Variants in RAPGEF2 observed in about 807,000 individuals in gnomAD.
RAPGEF2 encodes Rap guanine nucleotide exchange factor 2, also known as PDZ domain containing guanine nucleotide exchange factor (GEF) 1.
Under a neutral mutation model 186.7 loss-of-function variants are expected in RAPGEF2, and 54 were observed. The observed-to-expected ratio is 0.29, with a 90% CI of 0.23 to 0.36. The LOEUF is 0.36. Ranked by LOEUF, RAPGEF2 falls within the 10% of genes least tolerant of loss-of-function variation. RAPGEF2 has a pLI of 1.00. For synonymous variants in RAPGEF2, 712 were observed against 705.9 expected, an observed-to-expected ratio of 1.01 and a Z score of -0.14; for missense variants, 1,532 against 2,045.0, an observed-to-expected ratio of 0.75 and a Z score of 4.84.
chr4:159,185,382 T>C (rs1747455102), intron 1 of RAPGEF2, among the ~76,000 whole-genome samples: 1 of 152,182 alleles, frequency 6.6e-6, no homozygotes, highest in South Asian at 2.1e-4. Flanking sequence ...TGTAGCAGCA[T>C]TATTCATAAT....
intron 7 of RAPGEF2, among the ~76,000 whole-genome samples, chr4:159,290,817 A>G (rs1488171263): frequency 1.3e-5 from 2 of 152,118 alleles, no homozygotes; most frequent in Non-Finnish European, 2.9e-5. Flanking sequence ...TTATGAGTAT[A>G]TATTCCTGCT....
chr4:159,209,594 A>C (rs997577060), intron 3 of RAPGEF2, among the ~76,000 whole-genome samples: 2 of 152,228 alleles, frequency 1.3e-5, no homozygotes, highest in African/African-American at 4.8e-5. Flanking sequence ...CATATCCTAA[A>C]CATCCAGAAA....
intron 7 of RAPGEF2, among the ~76,000 whole-genome samples, chr4:159,279,391 G>T (rs938661243): frequency 3.3e-5 from 5 of 152,194 alleles, no homozygotes; most frequent in Non-Finnish European, 7.3e-5. Flanking sequence ...TTTGTTTTCA[G>T]TGTGTCCTGT....
At chr4:159,118,877 G>A (rs1356845623) in intron 1 of RAPGEF2, among the ~76,000 whole-genome samples, 3 of 152,128 alleles carry the variant, frequency 2.0e-5, no homozygotes, top group Non-Finnish European at 2.9e-5. Context: ...GAGCCACCGC[G>A]CCCGGCCCTA....
intron 1 of RAPGEF2, among the ~76,000 whole-genome samples, chr4:159,109,659 G>A (rs973652562): frequency 1.3e-5 from 2 of 152,210 alleles, no homozygotes; most frequent in Non-Finnish European, 2.9e-5. Flanking sequence ...TAATTCATGA[G>A]TGCTGTAACA....
chr4:159,238,812 T>C lies in RAPGEF2; in HGVS notation c.285T>C (p.Phe95=). ...KESMFLPRSS[F]GKRSAGSFRR... ...TTTTTTTTTTCTTTCTTTCTAGTTT[T>C]GGCAAGCGTTCTGCAGGAAGTTTTA... is the stretch of plus-strand genomic sequence containing the variant. Residue 95 remains phenylalanine, a synonymous_variant, in exon 5 of 30, where the codon TTT becomes TTC. Coordinates refer to ENST00000691494, the MANE Select transcript of RAPGEF2 (RefSeq NM_001394067.2). 2 of 1,520,042 alleles carry C rather than the reference T, an allele frequency of 1.3e-6. No individual in the cohort carries two copies. Among genetic ancestry groups the C allele is most frequent in the South Asian group, 2.5e-5 (2 of 80,364 alleles). The allele number at this position is 1,520,042 out of a possible 1,614,324, so 94.2% of individuals were successfully genotyped here.
chr4:159,159,343 A>C (rs570140549), intron 1 of RAPGEF2, among the ~76,000 whole-genome samples: 1 of 152,366 alleles, frequency 6.6e-6, no homozygotes, highest in East Asian at 1.9e-4. Flanking sequence ...TTCAATCTGT[A>C]TGGAGAAAAT....
At position 159,352,944 on chromosome 4, in the gene RAPGEF2, A is replaced by G. The variant is rs754785638; in HGVS notation, c.4091+34A>G. On this transcript the variant is annotated intron_variant, in intron 27 of 29. Coordinates refer to ENST00000691494, the MANE Select transcript of RAPGEF2 (RefSeq NM_001394067.2). ...CTCTTTTTAATATTCTTCTGAATTT[A>G]TCCTTCCATCTCTGTTTTAATAATG... is the stretch of plus-strand genomic sequence containing the variant. 6 of 1,522,566 alleles carry G rather than the reference A, an allele frequency of 3.9e-6. No individual in the cohort carries two copies. The South Asian group carries it at 5.9e-5, about 15-fold the overall frequency. 94.3% of individuals were successfully genotyped at this position (1,522,566 alleles called of 1,614,324 possible). A position where few individuals can be genotyped will look rare whatever the true frequency, so the allele number is the denominator to read the frequency against.
chr4:159,188,344 T>C (rs1451818961), intron 2 of RAPGEF2, among the ~76,000 whole-genome samples: 1 of 152,194 alleles, frequency 6.6e-6, no homozygotes, highest in Non-Finnish European at 1.5e-5. Context: ...GGATTTTTTA[T>C]ACTTACAGAA....
intron 7 of RAPGEF2, among the ~76,000 whole-genome samples, chr4:159,252,375 A>T (rs1240560767): frequency 1.3e-5 from 2 of 152,014 alleles, no homozygotes; most frequent in African/African-American, 2.4e-5. Flanking sequence ...CTGAACCTTT[A>T]AAAAAAATGT....
At chr4:159,197,625 AT>A (rs1454003351) in intron 3 of RAPGEF2, among the ~76,000 whole-genome samples, 2 of 152,200 alleles carry the variant, frequency 1.3e-5, no homozygotes, top group Non-Finnish European at 2.9e-5. Context: ...CTTTTAAAGC[AT>A]TTTCATTTAA....
At chr4:159,351,725 C>T (rs1463818995) in intron 26 of RAPGEF2, among the ~76,000 whole-genome samples, 3 of 152,048 alleles carry the variant, frequency 2.0e-5, no homozygotes, top group Non-Finnish European at 4.4e-5. Context: ...GGCTGATTAC[C>T]TGAGGCCAGG....
At position 159,217,580 on chromosome 4, in the gene RAPGEF2, C is replaced by G. The variant is rs147334700; in HGVS notation, c.281+6997C>G. ...CACAGATGGGCACCTGGGTTGATTC[C>G]ATGTCTTTGCTATGGTGAATAGTGC... On this transcript the variant is annotated intron_variant, in intron 4 of 29. Coordinates refer to ENST00000691494, the MANE Select transcript of RAPGEF2 (RefSeq NM_001394067.2). Among the ~76,000 whole-genome samples, 1,071 of 152,290 alleles carry G rather than the reference C, an allele frequency of 7.0e-3. 8 individuals are homozygous for G. The highest frequency in any genetic ancestry group is 0.024 in the African/African-American group (1,006 of 41,556).
chr4:159,296,370 T>C (rs1308871181), intron 7 of RAPGEF2, among the ~76,000 whole-genome samples: 1 of 152,250 alleles, frequency 6.6e-6, no homozygotes, highest in Non-Finnish European at 1.5e-5. Flanking sequence ...TTAATATTTT[T>C]CATGTGATTT....
At chr4:159,107,566 A>G (rs1738013702) in intron 1 of RAPGEF2, among the ~76,000 whole-genome samples, 1 of 152,124 alleles carries the variant, frequency 6.6e-6, no homozygotes, top group Non-Finnish European at 1.5e-5. Flanking sequence ...TAAAAATGTT[A>G]TGTGTAAAAT....
chr4:159,131,654 GA>G lies in RAPGEF2; in HGVS notation c.69+27425del, dbSNP rs139270229. The stretch of plus-strand genomic sequence containing the variant: ...GCAGTTAAAGTTCTTTGGGCTTTGG[GA>G]ACCTTGGGCTAGAGAACTTTGGGCT... On this transcript the variant is annotated intron_variant, in intron 1 of 29. Coordinates refer to ENST00000691494, the MANE Select transcript of RAPGEF2 (RefSeq NM_001394067.2). Among the ~76,000 whole-genome samples, 1,261 of 150,942 alleles carry G rather than the reference GA, an allele frequency of 8.4e-3. 21 individuals carry two copies. The highest frequency in any genetic ancestry group is 0.029 in the African/African-American group (1,197 of 41,038).
At chr4:159,317,814 A>G (rs913605576) in intron 9 of RAPGEF2, among the ~76,000 whole-genome samples, 1 of 152,244 alleles carries the variant, frequency 6.6e-6, no homozygotes, top group Non-Finnish European at 1.5e-5. Context: ...TTTAAAAAAA[A>G]AAATTGGTGA....
At chr4:159,212,964 T>C (rs971024789) in intron 4 of RAPGEF2, among the ~76,000 whole-genome samples, 4 of 152,236 alleles carry the variant, frequency 2.6e-5, no homozygotes, top group African/African-American at 9.6e-5. Flanking sequence ...TTCAGACTTA[T>C]TTCTTGAGCA....
intron 1 of RAPGEF2, among the ~76,000 whole-genome samples, chr4:159,153,687 T>C (rs955290860): frequency 2.0e-5 from 3 of 152,298 alleles, no homozygotes; most frequent in East Asian, 1.9e-4. Context: ...AGTGTCTCCT[T>C]CTTGCTTCCT....
Sources: gnomAD v4.1 joint callset for allele counts (sites outside exome capture counted in the v4.1 genomes callset) on GRCh38, gnomAD v4.1.1 for gene constraint, MANE v1.5 for transcripts, NCBI Gene and HGNC (gene_info 2026-07-23, HGNC 2026-07-21) for gene names.